Variants in ST7 observed in about 807,000 individuals in gnomAD.
ST7 encodes suppression of tumorigenicity 7.
In ST7, 28 loss-of-function variants were observed where a neutral mutation model predicts 78.7. That is an observed-to-expected ratio of 0.36 (90% CI 0.26 to 0.49). ST7 has a LOEUF of 0.49. Among genes scored for constraint, ST7 ranks in the 20% least tolerant of loss-of-function variants. ST7 has a pLI of 0.99. For synonymous variants in ST7, 247 were observed against 249.6 expected (o/e 0.99, Z 0.10); for missense variants, 418 against 696.0 (o/e 0.60, Z 4.49).
intron 9 of ST7, among the ~76,000 whole-genome samples, chr7:117,157,403 A>G (rs1467568836): frequency 6.6e-6 from 1 of 152,166 alleles, no homozygotes; most frequent in Non-Finnish European, 1.5e-5. Context: ...GGTTCAGTGG[A>G]AAGACTTGGG....
intron 1 of ST7, chr7:117,074,535 G>T (rs964309992): frequency 6.6e-6 from 1 of 152,190 alleles, no homozygotes; most frequent in African/African-American, 2.4e-5. Context: ...CTGTGAGCTA[G>T]TTAGACAGAA....
At chr7:117,210,776 G>A (rs553403851) in intron 13 of ST7, among the ~76,000 whole-genome samples, 1 of 152,170 alleles carries the variant, frequency 6.6e-6, no homozygotes, top group South Asian at 2.1e-4. Context: ...GTAAATTAAG[G>A]AAAAAAGTCA....
chr7:116,998,003 C>T (rs1287346921), intron 1 of ST7, among the ~76,000 whole-genome samples: 2 of 152,256 alleles, frequency 1.3e-5, no homozygotes, highest in Non-Finnish European at 2.9e-5. Flanking sequence ...CCTCGCTCCT[C>T]AGCACTTGGA....
chr7:117,048,675 A>T (rs1797614253), intron 1 of ST7, among the ~76,000 whole-genome samples: 1 of 152,174 alleles, frequency 6.6e-6, no homozygotes, highest in Admixed American at 6.5e-5. Flanking sequence ...AAATTCTGGG[A>T]AGTCATGCAC....
chr7:116,989,398 G>T (rs1375819046), intron 1 of ST7, among the ~76,000 whole-genome samples: 1 of 152,106 alleles, frequency 6.6e-6, no homozygotes, highest in Non-Finnish European at 1.5e-5. Context: ...AATCTTCATT[G>T]AGGTATCATT....
At chr7:117,175,882 G>A (rs559280638) in intron 10 of ST7, among the ~76,000 whole-genome samples, 19 of 152,148 alleles carry the variant, frequency 1.2e-4, no homozygotes, top group African/African-American at 3.6e-4. Flanking sequence ...ATAAAATGTC[G>A]CAATGAGAGA....
chr7:117,058,347 T>C (rs1798172832), intron 1 of ST7, among the ~76,000 whole-genome samples: 5 of 152,222 alleles, frequency 3.3e-5, no homozygotes, highest in Admixed American at 3.3e-4. Context: ...TTTATCTGTC[T>C]TTGGAAATTA....
intron 1 of ST7, among the ~76,000 whole-genome samples, chr7:116,989,382 C>A (rs1356803672): frequency 6.6e-6 from 1 of 152,096 alleles, no homozygotes. Flanking sequence ...TAGGTAATAG[C>A]CTGTCAATCT....
chr7:117,137,815 G>A (rs945094698), intron 8 of ST7, among the ~76,000 whole-genome samples: 3 of 152,066 alleles, frequency 2.0e-5, no homozygotes, highest in Non-Finnish European at 2.9e-5. Flanking sequence ...AATTGTTAAC[G>A]TACTTTTTAA....
At chr7:117,052,215 A>G (rs114630683) in intron 1 of ST7, among the ~76,000 whole-genome samples, 68 of 152,342 alleles carry the variant, frequency 4.5e-4, no homozygotes, top group Middle Eastern at 3.4e-3. Flanking sequence ...AAGGGCCATA[A>G]TTAAGTTATC....
At chr7:117,130,332 GGA>G in intron 4 of ST7, among the ~76,000 whole-genome samples, 157 bp from the exon 5 acceptor site, 1 of 151,838 alleles carries the variant, frequency 6.6e-6, no homozygotes, top group Non-Finnish European at 1.5e-5. Context: ...ATTCCTGAAG[GGA>G]GAATAAGATG....
chr7:117,229,507 T>G (rs1029992160), intron 15 of ST7, among the ~76,000 whole-genome samples: 166 of 152,328 alleles, frequency 1.1e-3, no homozygotes, highest in African/African-American at 3.9e-3. Flanking sequence ...ACCTCAGGAC[T>G]GTGGGCCACC....
At chr7:116,959,057 A>C (rs1040269329) in intron 1 of ST7, 1 of 414,398 alleles carries the variant, frequency 2.4e-6, no homozygotes, top group South Asian at 1.9e-5. Context: ...TTTTACCCAC[A>C]GTAGGACTTT....
At chr7:117,193,489 T>G (rs1402249418) in intron 12 of ST7, among the ~76,000 whole-genome samples, 1 of 152,226 alleles carries the variant, frequency 6.6e-6, no homozygotes, top group Non-Finnish European at 1.5e-5. Flanking sequence ...ACTGACGGTT[T>G]GGAGAGGTTA....
At position 117,192,829 on chromosome 7, in the gene ST7, A is replaced by G. The variant is rs188071618; in HGVS notation, c.1254+1893A>G. On this transcript the variant is annotated intron_variant, in intron 12 of 15. Transcript: ENST00000323984. Reference sequence around the variant, plus strand: ...AACACTTTAAGGCTGCCATGGAAGAATTTGACACAGTTAACTAGGATTCCA... The same window carrying G: ...AACACTTTAAGGCTGCCATGGAAGAGTTTGACACAGTTAACTAGGATTCCA... Among the ~76,000 whole-genome samples, 556 of 152,352 alleles carry G rather than the reference A, an allele frequency of 3.6e-3. 1 individual carries two copies. The highest frequency in any genetic ancestry group is 6.7e-3 in the Non-Finnish European group (454 of 68,028).
intron 1 of ST7, among the ~76,000 whole-genome samples, chr7:116,969,141 ACTTTC>A (rs1793290493): frequency 6.6e-6 from 1 of 152,110 alleles, no homozygotes; most frequent in Admixed American, 6.5e-5. Flanking sequence ...AGTTTTTCAG[ACTTTC>A]CTTGTTTTTG....
At chr7:117,191,545 A>G (rs1328361467) in intron 12 of ST7, 4 of 152,260 alleles carry the variant, frequency 2.6e-5, no homozygotes, top group Non-Finnish European at 5.9e-5. Flanking sequence ...AAGGGAATCA[A>G]ATCAGAGCAG....
intron 12 of ST7, among the ~76,000 whole-genome samples, chr7:117,196,204 T>C (rs1444733899): frequency 1.3e-5 from 2 of 152,264 alleles, no homozygotes; most frequent in Non-Finnish European, 2.9e-5. Flanking sequence ...TCTTGGCTAT[T>C]GTGAATAATG....
chr7:117,103,478 G>T (rs769545279), intron 2 of ST7, among the ~76,000 whole-genome samples: 8 of 152,106 alleles, frequency 5.3e-5, no homozygotes, highest in Non-Finnish European at 1.0e-4. Context: ...TTCGACAAAG[G>T]CACTGAGAAC....
Sources: gnomAD v4.1 joint callset for allele counts (sites outside exome capture counted in the v4.1 genomes callset) on GRCh38, gnomAD v4.1.1 for gene constraint, MANE v1.5 for transcripts, NCBI Gene and HGNC (gene_info 2026-07-23, HGNC 2026-07-21) for gene names.